The following KDM1B variants were observed in gnomAD, a reference collection of about 807,000 sequenced individuals.
KDM1B encodes the protein lysine-specific histone demethylase 2.
KDM1B carries 63 observed loss-of-function variants against 107.4 expected under a neutral mutation model. That is an observed-to-expected ratio of 0.59 (90% confidence interval 0.48 to 0.72). The LOEUF is 0.72. KDM1B is among the 30% of genes least tolerant of loss of function. The pLI is 0.00. For missense variants in KDM1B, 749 were observed against 1,020.8 expected (o/e 0.73, Z 3.63); for synonymous variants, 363 against 363.9 (o/e 1.00, Z 0.03).
chr6:18,168,568 A>G (rs1561910654), intron 6 of KDM1B, among the ~76,000 whole-genome samples: 1 of 152,220 alleles, frequency 6.6e-6, no homozygotes, highest in Non-Finnish European at 1.5e-5. Flanking sequence ...GCTGCAGTGA[A>G]CATTCTTGTA....
intron 21 of KDM1B, among the ~76,000 whole-genome samples, chr6:18,219,357 C>T (rs1789499458): frequency 6.6e-6 from 1 of 152,022 alleles, no homozygotes; most frequent in Admixed American, 6.6e-5. Flanking sequence ...AGTTTTTTCT[C>T]TTTCTTTCTA....
At position 18,162,397 on chromosome 6, in the gene KDM1B, C is replaced by T. The variant is rs1042124728; in HGVS notation, c.216-438C>T. 6.6e-6 allele frequency among the ~76,000 whole-genome samples: 1 copy of T among 152,184 alleles called. No homozygotes were observed. The highest frequency in any genetic ancestry group is 2.4e-5 in the African/African-American group (1 of 41,456). Reference sequence around the variant, plus strand: ...TCATAGTGGCATGATTTTTCATTCTCTTGCTATATTATCAACTGTTTGACA... The same window carrying T: ...TCATAGTGGCATGATTTTTCATTCTTTTGCTATATTATCAACTGTTTGACA... On this transcript the variant is annotated intron_variant, in intron 4 of 21. Transcript: ENST00000650836. This position sits in a 1 kb window ranked among gnomAD's most constrained non-coding sequence, Gnocchi z 4.1.
chr6:18,169,823 G>A (rs1785540246), intron 6 of KDM1B, among the ~76,000 whole-genome samples: 1 of 152,010 alleles, frequency 6.6e-6, no homozygotes, highest in Admixed American at 6.6e-5. Context: ...GTGTAAAGTA[G>A]GGTGTCTAAC....
chr6:18,192,336 T>G (rs556750706), intron 10 of KDM1B, among the ~76,000 whole-genome samples: 1 of 152,294 alleles, frequency 6.6e-6, no homozygotes, highest in African/African-American at 2.4e-5. Flanking sequence ...TTTGCGTCAT[T>G]GCTGAATTCA....
intron 7 of KDM1B, among the ~76,000 whole-genome samples, chr6:18,178,037 A>C (rs534784334): frequency 6.6e-5 from 10 of 152,188 alleles, no homozygotes; most frequent in Non-Finnish European, 1.3e-4. Context: ...ATTTATTTCT[A>C]GATACTTAAT....
In KDM1B at chr6:18,187,892, C is replaced by T; in HGVS notation, c.674C>T (p.Pro225Leu). Reference sequence around the variant, plus strand: ...GCGCCCCTGCTGTCTGCCTACTACCCTGACTGTGTTGGCATGAGCCCCTCC... The same window carrying T: ...GCGCCCCTGCTGTCTGCCTACTACCTTGACTGTGTTGGCATGAGCCCCTCC... The part of the protein sequence containing the change: ...VAAPLLSAYY[P>L]DCVGMSPSCT... The change falls in exon 9 of 22, where the codon CCT (proline) becomes CTT (leucine). Residue 225 changes from proline (P) to leucine (L), a missense_variant. Pro to Leu is a moderately conservative substitution (Grantham distance 98, BLOSUM62 -3). Coordinates refer to ENST00000650836, the MANE Select transcript of KDM1B (RefSeq NM_001364614.2). 6.5e-7 allele frequency: 1 copy of T among 1,550,334 alleles called. No homozygotes were observed. Among genetic ancestry groups the T allele is most frequent in the Non-Finnish European group, 8.7e-7 (1 of 1,146,846 alleles).
chr6:18,207,384 C>T lies in KDM1B; in HGVS notation c.1660-14C>T, dbSNP rs1252382227. The T allele has an allele frequency of 1.2e-6, 2 of 1,613,754 alleles. No homozygotes were observed. The highest frequency in any genetic ancestry group is 1.3e-5 in the African/African-American group (1 of 74,940). On this transcript the variant is annotated splice_polypyrimidine_tract_variant and intron_variant, in intron 15 of 21. Transcript: ENST00000650836. Reference sequence around the variant, plus strand: ...ATTTACACTGCTGTGTCCCCAACCTCTCTTGTTTCCCAGGTATCTGCTCGC... The same window carrying T: ...ATTTACACTGCTGTGTCCCCAACCTTTCTTGTTTCCCAGGTATCTGCTCGC...
chr6:18,177,759 T>A (rs1334390447), intron 7 of KDM1B, among the ~76,000 whole-genome samples: 5 of 152,018 alleles, frequency 3.3e-5, no homozygotes, highest in African/African-American at 1.2e-4. Context: ...CCATGCTCAT[T>A]CCTGCTCCTG....
At chr6:18,188,806 CA>C in intron 9 of KDM1B, among the ~76,000 whole-genome samples, 2 of 146,708 alleles carry the variant, frequency 1.4e-5, no homozygotes, top group East Asian at 4.0e-4. Flanking sequence ...CTTTTTGAGA[CA>C]GAATCTCAGT....
At chr6:18,189,067 A>AGC (rs770276758) in intron 9 of KDM1B, among the ~76,000 whole-genome samples, 4 of 152,122 alleles carry the variant, frequency 2.6e-5, no homozygotes, top group Admixed American at 6.6e-5. Flanking sequence ...TACAGACATG[A>AGC]GCCAGTGCAC....
intron 7 of KDM1B, among the ~76,000 whole-genome samples, chr6:18,173,737 T>C (rs1276533062): frequency 1.3e-5 from 2 of 152,190 alleles, no homozygotes; most frequent in Admixed American, 6.5e-5. Flanking sequence ...TACCGTTTGC[T>C]AAAAAGACTG....
At chr6:18,208,078 C>A in intron 16 of KDM1B, 54 bp from the exon 17 acceptor site, 1 of 1,270,732 alleles carries the variant, frequency 7.9e-7, no homozygotes, top group Non-Finnish European at 1.2e-6. Context: ...CGGAAAGGAT[C>A]CTGGATCACG....
In KDM1B at chr6:18,191,412, G is replaced by A; in HGVS notation, c.969+31G>A. ...TAAGGGCATGTTAGCCAATAGCACT[G>A]GACAGAGGAGGACCATGTTGAAAAG... is the stretch of plus-strand genomic sequence containing the variant. On this transcript the variant is annotated intron_variant, in intron 10 of 21. Transcript: ENST00000650836. This position sits in a 1 kb window ranked among gnomAD's most constrained non-coding sequence, Gnocchi z 5.1. 14 of 1,521,728 alleles carry A rather than the reference G, an allele frequency of 9.2e-6. No individual in the cohort carries two copies. Among genetic ancestry groups the A allele is most frequent in the Non-Finnish European group, 1.2e-5 (13 of 1,126,176 alleles). The allele number at this position is 1,521,728 out of a possible 1,614,324, so 94.3% of individuals were successfully genotyped here.
Position 18,212,669 on chromosome 6 carries a change from T to TCCATATCA in KDM1B, c.1983+65_1983+66insCCATATCA. On this transcript the variant is annotated intron_variant, in intron 18 of 21. Coordinates refer to ENST00000650836, the MANE Select transcript of KDM1B (RefSeq NM_001364614.2). This position sits in a 1 kb window ranked among gnomAD's most constrained non-coding sequence, Gnocchi z 5.2. The stretch of plus-strand genomic sequence containing the variant: ...ATGTCAGATGATAGATGTTAACTTC[T>TCCATATCA]GATATGGAGAAGTAGTGGGTACTAT... 2 of 1,019,276 alleles carry TCCATATCA rather than the reference T, an allele frequency of 2.0e-6. No individual in the cohort carries two copies. The highest frequency in any genetic ancestry group is 3.1e-6 in the Non-Finnish European group (2 of 638,650). 63.1% of individuals were successfully genotyped at this position (1,019,276 alleles called of 1,614,324 possible).
rs58897300 is a variant in KDM1B at position 18,184,736 on chromosome 6, CTTT to C, written c.535-1014_535-1012del. Among the ~76,000 whole-genome samples, 208 of 65,464 alleles carry C rather than the reference CTTT, an allele frequency of 3.2e-3. 3 individuals are homozygous for C. The highest frequency in any genetic ancestry group is 0.011 in the Admixed American group (44 of 3,834). The allele number at this position is 65,464 out of a possible 152,430, so 42.9% of individuals were successfully genotyped here. Reference sequence around the variant, plus strand: ...CTTTGGGTTGTTTCTAGCTTTTTTCCTTTTTTTTTTTTTTTTTTTTTTTTAAGA... The same window carrying C: ...CTTTGGGTTGTTTCTAGCTTTTTTCCTTTTTTTTTTTTTTTTTTTTTAAGA... On this transcript the variant is annotated intron_variant, in intron 7 of 21. Transcript: ENST00000650836.
intron 2 of KDM1B, among the ~76,000 whole-genome samples, chr6:18,156,831 C>T (rs1324428): frequency 1.3e-4 from 19 of 151,650 alleles, no homozygotes; most frequent in African/African-American, 4.4e-4. Flanking sequence ...GCAGAAGAAT[C>T]GCTTGAACCC....
In KDM1B at chr6:18,222,019, G is replaced by C; in HGVS notation, c.*27G>C. 6.2e-7 allele frequency: 1 copy of C among 1,602,288 alleles called. No homozygotes were observed. Among genetic ancestry groups the C allele is most frequent in the African/African-American group, 1.3e-5 (1 of 74,770 alleles). The stretch of plus-strand genomic sequence containing the variant: ...AATTCGGTGGACCCAGCTTTCTTCT[G>C]TACCCCAGATGGGGAAATTTGAATC... On this transcript the variant is annotated 3_prime_UTR_variant, in exon 22 of 22. Coordinates refer to ENST00000650836, the MANE Select transcript of KDM1B (RefSeq NM_001364614.2).
At chr6:18,202,244 A>AAGG (rs200922142) in intron 14 of KDM1B, among the ~76,000 whole-genome samples, 9 of 143,634 alleles carry the variant, frequency 6.3e-5, no homozygotes, top group South Asian at 2.3e-4. Flanking sequence ...ACAAAAAAAA[A>AAGG]GGGCGGGGGG....
intron 2 of KDM1B, among the ~76,000 whole-genome samples, chr6:18,157,208 C>T (rs1582063893): frequency 6.6e-6 from 1 of 152,002 alleles, no homozygotes; most frequent in South Asian, 2.1e-4. Context: ...ATTTTAAGAC[C>T]TAAGGACCCA....
Sources: gnomAD v4.1 joint callset for allele counts (sites outside exome capture counted in the v4.1 genomes callset) on GRCh38, gnomAD v4.1.1 for gene constraint, Gnocchi (gnomAD v3.1) non-coding constraint, MANE v1.5 for transcripts, NCBI Gene and HGNC (gene_info 2026-07-23, HGNC 2026-07-21) for gene names.